Variants in SPON1 observed in about 807,000 individuals in gnomAD.
SPON1 encodes spondin 1.
SPON1 carries 52 observed loss-of-function variants against 111.7 expected under a neutral mutation model. That is an observed-to-expected ratio of 0.47 (90% CI 0.37 to 0.59). The LOEUF is 0.59. Among genes scored for constraint, SPON1 ranks in the 20% least tolerant of loss-of-function variants. SPON1 has a pLI of 0.00. For missense variants in SPON1, 957 were observed against 1,068.5 expected, an observed-to-expected ratio of 0.90 and a Z score of 1.46; for synonymous variants, 410 against 395.8, an observed-to-expected ratio of 1.04 and a Z score of -0.43.
rs1564919670 is a variant in SPON1, at chr11:14,160,893, A to ATTTT, written c.825+25326_825+25327insTTTT. Among the ~76,000 whole-genome samples the ATTTT allele has an allele frequency of 1.6e-4, 9 of 56,454 alleles. 2 individuals are homozygous for ATTTT. Among genetic ancestry groups the ATTTT allele is most frequent in the Non-Finnish European group, 2.9e-5 (1 of 34,362 alleles). 37.0% of individuals were successfully genotyped at this position (56,454 alleles called of 152,430 possible). On this transcript the variant is annotated intron_variant, in intron 6 of 15. Transcript: ENST00000576479. Reference sequence around the variant, plus strand: ...TTTTTATATTTTTATATATTTATATATATTTATATATTTATATATATATTT... The same window carrying ATTTT: ...TTTTTATATTTTTATATATTTATATATTTTTATTTATATATTTATATATATATTT...
At chr11:14,124,461 A>G (rs1847432909) in intron 5 of SPON1, among the ~76,000 whole-genome samples, 1 of 152,082 alleles carries the variant, frequency 6.6e-6, no homozygotes, top group Non-Finnish European at 1.5e-5. Flanking sequence ...AAGTTGTATC[A>G]CCCACGCTTT....
At chr11:14,199,019 A>G (rs1848432719) in intron 6 of SPON1, among the ~76,000 whole-genome samples, 1 of 152,162 alleles carries the variant, frequency 6.6e-6, no homozygotes, top group South Asian at 2.1e-4. Context: ...TATTTCACTG[A>G]CATAAGTAAT....
intron 1 of SPON1, among the ~76,000 whole-genome samples, chr11:13,965,367 C>A (rs932455812): frequency 1.3e-5 from 2 of 152,180 alleles, no homozygotes; most frequent in African/African-American, 4.8e-5. Flanking sequence ...GTGTACCCAG[C>A]GTCTCTTTTC....
intron 6 of SPON1, among the ~76,000 whole-genome samples, chr11:14,180,976 T>A (rs782372790): frequency 6.6e-6 from 1 of 152,216 alleles, no homozygotes; most frequent in Non-Finnish European, 1.5e-5. Context: ...TTCAGTTTGT[T>A]CACTACCCCC....
chr11:14,200,324 C>G (rs1439096421), intron 6 of SPON1, among the ~76,000 whole-genome samples: 1 of 152,110 alleles, frequency 6.6e-6, no homozygotes, highest in South Asian at 2.1e-4. Flanking sequence ...TAGGAATCCG[C>G]TAACATTTGA....
intron 2 of SPON1, among the ~76,000 whole-genome samples, chr11:13,995,418 A>G (rs1255588442): frequency 6.6e-6 from 1 of 152,188 alleles, no homozygotes; most frequent in East Asian, 1.9e-4. Context: ...GAAACTTACA[A>G]TCATGGTAGA....
At position 14,114,078 on chromosome 11, in the gene SPON1, T is replaced by A. The variant is rs138158413; in HGVS notation, c.677-21342T>A. 3.2e-4 allele frequency among the ~76,000 whole-genome samples: 49 copies of A among 152,330 alleles called. 1 individual carries two copies. The highest frequency in any genetic ancestry group is 1.1e-3 in the African/African-American group (46 of 41,576). On this transcript the variant is annotated intron_variant, in intron 5 of 15. Transcript: ENST00000576479. ...AACAATCCAATTACACTTTTTAAGT[T>A]ATTAAATATTTTTAAATATACAATT...
At chr11:13,963,226 G>A in intron 1 of SPON1, 84 bp downstream of exon 1, 3 of 1,098,018 alleles carry the variant, frequency 2.7e-6, no homozygotes, top group Non-Finnish European at 3.8e-6. Context: ...AGGAGGGCGC[G>A]CGGTCTCCGG....
chr11:14,168,702 C>A (rs1222824099), intron 6 of SPON1, among the ~76,000 whole-genome samples: 3 of 146,490 alleles, frequency 2.0e-5, no homozygotes, highest in Non-Finnish European at 3.0e-5. Flanking sequence ...CTTCCTGTGT[C>A]CATGTGTTCT....
intron 6 of SPON1, among the ~76,000 whole-genome samples, chr11:14,219,850 T>C (rs950317968): frequency 2.0e-5 from 3 of 152,174 alleles, no homozygotes; most frequent in Admixed American, 2.0e-4. Flanking sequence ...TCCCAGGCAA[T>C]ATTCCATTAA....
intron 6 of SPON1, among the ~76,000 whole-genome samples, chr11:14,154,211 C>G (rs1332686844): frequency 1.3e-5 from 2 of 152,236 alleles, no homozygotes; most frequent in Admixed American, 1.3e-4. Context: ...AGTAAGGATA[C>G]TGTGTGGGGG....
chr11:14,221,967 T>A (rs1404580475), intron 6 of SPON1, among the ~76,000 whole-genome samples: 1 of 152,176 alleles, frequency 6.6e-6, no homozygotes, highest in African/African-American at 2.4e-5. Context: ...CACTGTCTTA[T>A]CCAACCCAAG....
chr11:14,244,573 C>G (rs2133919050), intron 7 of SPON1, among the ~76,000 whole-genome samples: 1 of 151,280 alleles, frequency 6.6e-6, no homozygotes, highest in Non-Finnish European at 1.5e-5. Context: ...ATGGCAAAAC[C>G]CTGCTTCTAC....
intron 5 of SPON1, among the ~76,000 whole-genome samples, chr11:14,133,464 T>C (rs1847550013): frequency 6.6e-6 from 1 of 152,140 alleles, no homozygotes; most frequent in South Asian, 2.1e-4. Flanking sequence ...AACTTCTGAG[T>C]ATTTTATAAA....
chr11:14,007,626 G>C lies in SPON1; in HGVS notation c.345+24673G>C, dbSNP rs541237932. 4.6e-5 allele frequency among the ~76,000 whole-genome samples: 7 copies of C among 152,152 alleles called. No homozygotes were observed. The South Asian group carries it at 1.0e-3, about 23-fold the overall frequency. ...GCAACACCCTCACAGACACACCCAG[G>C]GTCAATACTTTGCATCCTTCAATCC... On this transcript the variant is annotated intron_variant, in intron 2 of 15. Coordinates refer to ENST00000576479, the MANE Select transcript of SPON1 (RefSeq NM_006108.4).
At position 14,257,771 on chromosome 11, in the gene SPON1, C is replaced by T; in HGVS notation, c.1365C>T (p.Ser455=). 8.7e-6 allele frequency: 14 copies of T among 1,613,416 alleles called. No homozygotes were observed. Among genetic ancestry groups the T allele is most frequent in the Non-Finnish European group, 9.3e-6 (11 of 1,179,698 alleles). The part of the protein sequence containing the change: ...YSNWSPWSAC[S]SSTCDKGKRM... ...ACTGGTCCCCATGGTCCGCCTGCAG[C>T]TCCTCCACCTGTGACAAAGGCAAGA... Residue 455 remains serine (S), a synonymous_variant, in exon 11 of 16, where the codon AGC becomes AGT. Transcript: ENST00000576479.
In SPON1 at chr11:14,254,533, C is replaced by G; in HGVS notation, c.896C>G (p.Ala299Gly). ...TCTCTGTATTTCGTTTCCAGGAGAGCAGCACCTTCAGCTGAATTTTCCGTG... is the reference window on the plus strand; with the variant it reads ...TCTCTGTATTTCGTTTCCAGGAGAGGAGCACCTTCAGCTGAATTTTCCGTG... ...WPAWQPLNVR[A>G]APSAEFSVDR... The change falls in exon 8 of 16, where the codon GCA becomes GGA. Residue 299 changes from alanine (A) to glycine (G), a missense_variant. Around this residue, in one of 5 missense-constraint regions of SPON1, gnomAD observed 122 missense variants for 143.2 expected, o/e 0.85. Coordinates refer to ENST00000576479, the MANE Select transcript of SPON1 (RefSeq NM_006108.4). 1 of 1,599,202 alleles carries G rather than the reference C, an allele frequency of 6.3e-7. No homozygotes were observed. The highest frequency in any genetic ancestry group is 8.5e-7 in the Non-Finnish European group (1 of 1,172,296).
Position 14,135,509 on chromosome 11 carries a change from G to A in SPON1, c.766G>A (p.Val256Ile), listed in dbSNP as rs145404118. The A allele has an allele frequency of 1.6e-4, 264 of 1,613,862 alleles. No individual in the cohort carries two copies. The highest frequency in any genetic ancestry group is 7.6e-4 in the African/African-American group (57 of 75,040). ...ATATGGAGGATATGCCAGCGAAGGCGTCAAACAAGTTGCAGAATTGGGCTC... is the reference window on the plus strand; with the variant it reads ...ATATGGAGGATATGCCAGCGAAGGCATCAAACAAGTTGCAGAATTGGGCTC... ...WEYGGYASEG[V>I]KQVAELGSPV... The change falls in exon 6 of 16, where the codon GTC becomes ATC. Residue 256 changes from valine to isoleucine, a missense_variant. By Grantham distance (29) the Val-to-Ile change is conservative. Around this residue, in one of 5 missense-constraint regions of SPON1, gnomAD observed 122 missense variants for 143.2 expected, o/e 0.85. Transcript: ENST00000576479. The surrounding 1 kb of genome is among the most constrained non-coding windows in gnomAD (Gnocchi z 4.4).
At chr11:14,118,613 A>T (rs1290716509) in intron 5 of SPON1, among the ~76,000 whole-genome samples, 2 of 152,200 alleles carry the variant, frequency 1.3e-5, no homozygotes, top group African/African-American at 4.8e-5. Flanking sequence ...GCTGAAGTCT[A>T]TGAACACCAA....
Sources: allele counts gnomAD v4.1 joint callset (sites outside exome capture counted in the v4.1 genomes callset), GRCh38; gene constraint gnomAD v4.1.1; regional missense constraint gnomAD v4.1.1; non-coding constraint Gnocchi (gnomAD v3.1); transcripts MANE v1.5; gene names NCBI Gene and HGNC (gene_info 2026-07-23, HGNC 2026-07-21).